Variants in LRRC9 observed in about 807,000 individuals in gnomAD.
The protein encoded by LRRC9 is leucine rich repeat containing 9, also known as leucine-rich repeat-containing protein 9.
A neutral mutation model predicts 63.2 loss-of-function variants in LRRC9; 122 were observed. That is an observed-to-expected ratio of 1.93 (90% CI 1.67 to 2.24). The LOEUF (loss-of-function observed/expected upper bound fraction) is 2.24. Ranked by LOEUF, LRRC9 falls within the 30% of genes most tolerant of loss-of-function variation. LRRC9 has a pLI of 0.00. For missense variants in LRRC9, 1,071 were observed against 627.7 expected, an observed-to-expected ratio of 1.71 and a Z score of -7.55; for synonymous variants, 366 against 213.1, an observed-to-expected ratio of 1.72 and a Z score of -6.25.
chr14:59,928,873 T>C (rs1272953068), intron 3 of LRRC9, among the ~76,000 whole-genome samples: 2 of 152,082 alleles, frequency 1.3e-5, no homozygotes, highest in Admixed American at 1.3e-4. Context: ...GATAGCCATA[T>C]ACAGAAGATT....
At chr14:60,055,786 T>G in intron 30 of LRRC9, among the ~76,000 whole-genome samples, 1 of 150,506 alleles carries the variant, frequency 6.6e-6, no homozygotes, top group Non-Finnish European at 1.5e-5. Flanking sequence ...ATGCCTGTAG[T>G]CTCAGCTACT....
chr14:60,052,415 G>A (rs1185531115), intron 29 of LRRC9, among the ~76,000 whole-genome samples: 1 of 151,972 alleles, frequency 6.6e-6, no homozygotes, highest in Non-Finnish European at 1.5e-5. Flanking sequence ...TTTGGGGGAT[G>A]GTTACATAGG....
chr14:60,054,716 T>A (rs1190179029), intron 30 of LRRC9, among the ~76,000 whole-genome samples: 1 of 152,162 alleles, frequency 6.6e-6, no homozygotes, highest in Non-Finnish European at 1.5e-5. Flanking sequence ...CATGTACTTT[T>A]AAATATTTTA....
At chr14:60,020,911 T>C (rs1327041953) in intron 26 of LRRC9, among the ~76,000 whole-genome samples, 1 of 151,968 alleles carries the variant, frequency 6.6e-6, no homozygotes, top group East Asian at 1.9e-4. Context: ...GGATTGTTTC[T>C]ATTTTTTGGC....
chr14:59,930,716 GA>G lies in LRRC9; in HGVS notation c.268-200del, dbSNP rs2139777944. ...TATAGGGTTGATCAAAATTTAAAGA[GA>G]ACATGCAAAATTGAAAATAGTTGTA... On this transcript the variant is annotated intron_variant, in intron 3 of 31. Transcript: ENST00000445360. This position sits in a 1 kb window ranked among gnomAD's most constrained non-coding sequence, Gnocchi z 4.9. Among the ~76,000 whole-genome samples, 1 of 151,598 alleles carries G rather than the reference GA, an allele frequency of 6.6e-6. No individual in the cohort carries two copies. Among genetic ancestry groups the G allele is most frequent in the African/African-American group, 2.4e-5 (1 of 41,456 alleles).
At chr14:59,974,466 T>A (rs1204365054) in intron 12 of LRRC9, 110 bp from the exon 13 acceptor site, 1 of 431,974 alleles carries the variant, frequency 2.3e-6, no homozygotes, top group Non-Finnish European at 4.1e-6. Context: ...GAGTCCGGCC[T>A]GCAGATTTCT....
intron 8 of LRRC9, among the ~76,000 whole-genome samples, chr14:59,947,920 A>T (rs1361217660): frequency 6.6e-6 from 1 of 151,812 alleles, no homozygotes; most frequent in Non-Finnish European, 1.5e-5. Flanking sequence ...GCCTTGTAGT[A>T]TAGTTTGAAG....
chr14:60,006,583 A>G, exon 22 of LRRC9: 1 of 694,440 alleles, frequency 1.4e-6, no homozygotes. Context: ...AGCAATAACT[A>G]TATTGCTGTC....
At chr14:59,977,568 T>TTGTGTGTGTGTGTG (rs150262478) in intron 14 of LRRC9, among the ~76,000 whole-genome samples, 2 of 144,514 alleles carry the variant, frequency 1.4e-5, no homozygotes, top group African/African-American at 2.6e-5. Flanking sequence ...AATTATGTAT[T>TTGTGTGTGTGTGTG]TGTGTGTGTG....
rs1595059669 is a variant in LRRC9 at position 60,027,487 on chromosome 14, T to C, written c.3704-397T>C. On this transcript the variant is annotated intron_variant, in intron 27 of 31. Coordinates refer to ENST00000445360, the Ensembl canonical transcript of LRRC9. This position sits in a 1 kb window ranked among gnomAD's most constrained non-coding sequence, Gnocchi z 4.0. ...TAACATAATACAACAAATTAGTCTA[T>C]TTTAAGAAATAATTAAATATACTAT... Among the ~76,000 whole-genome samples the C allele has an allele frequency of 6.6e-6, 1 of 152,186 alleles. No homozygotes were observed. Among genetic ancestry groups the C allele is most frequent in the East Asian group, 1.9e-4 (1 of 5,178 alleles).
intron 7 of LRRC9, among the ~76,000 whole-genome samples, chr14:59,940,569 GCCCCCAACTGAA>G (rs1881656493): frequency 6.6e-6 from 1 of 152,078 alleles, no homozygotes; most frequent in Non-Finnish European, 1.5e-5. Context: ...TTGGATTCAA[GCCCCCAACTGAA>G]TGTGCCACTA....
At chr14:59,939,440 T>A (rs1209493893) in intron 7 of LRRC9, among the ~76,000 whole-genome samples, 1 of 151,882 alleles carries the variant, frequency 6.6e-6, no homozygotes, top group Non-Finnish European at 1.5e-5. Context: ...TAAGATGACT[T>A]ATGTTTTAAA....
chr14:59,921,876 G>C (rs1475605272), intron 1 of LRRC9, among the ~76,000 whole-genome samples: 1 of 152,010 alleles, frequency 6.6e-6, no homozygotes, highest in East Asian at 1.9e-4. Context: ...ACAAGGTCAG[G>C]AGTTCGAGAT....
At chr14:59,960,038 T>G (rs924528285) in intron 9 of LRRC9, 24 bp downstream of exon 9, 1 of 626,376 alleles carries the variant, frequency 1.6e-6, no homozygotes, top group African/African-American at 1.8e-5. Flanking sequence ...ATTATCTAGT[T>G]GTTCTGATCT....
At chr14:59,949,203 T>G (rs955230781) in intron 8 of LRRC9, among the ~76,000 whole-genome samples, 12 of 151,492 alleles carry the variant, frequency 7.9e-5, no homozygotes, top group African/African-American at 2.7e-4. Flanking sequence ...TATTGGTCTA[T>G]TCAGAGATTC....
chr14:59,970,327 T>C (rs1238183725), intron 12 of LRRC9, among the ~76,000 whole-genome samples: 1 of 152,184 alleles, frequency 6.6e-6, no homozygotes, highest in Non-Finnish European at 1.5e-5. Context: ...ACATTTTCTT[T>C]ATCCAGTCTA....
Position 59,960,033 on chromosome 14 carries a change from C to A in LRRC9, c.1079+19C>A. 3 of 629,808 alleles carry A rather than the reference C, an allele frequency of 4.8e-6. No individual in the cohort carries two copies. Among genetic ancestry groups the A allele is most frequent in the Non-Finnish European group, 8.5e-6 (3 of 351,038 alleles). The allele number at this position is 629,808 out of a possible 1,614,324, so 39.0% of individuals were successfully genotyped here. On this transcript the variant is annotated intron_variant, in intron 9 of 31. Coordinates refer to ENST00000445360, the Ensembl canonical transcript of LRRC9. ...TAGATGAGTATGTTTAATTAATTAT[C>A]TAGTTGTTCTGATCTGAAATGGAGA...
At position 59,997,653 on chromosome 14, in the gene LRRC9, C is replaced by A. The variant is rs1479599274; in HGVS notation, c.2212-3C>A. On this transcript the variant is annotated splice_region_variant and splice_polypyrimidine_tract_variant and intron_variant, in intron 17 of 31. Coordinates refer to ENST00000445360, the Ensembl canonical transcript of LRRC9. ...GCATCACTTTTATTTATATGTGTTGCAGTATAACCTTGAATATTTGGATGC... is the reference window on the plus strand; with the variant it reads ...GCATCACTTTTATTTATATGTGTTGAAGTATAACCTTGAATATTTGGATGC... The A allele has an allele frequency of 7.4e-6, 5 of 673,744 alleles. No individual in the cohort carries two copies. The highest frequency in any genetic ancestry group is 6.6e-5 in the Admixed American group (3 of 45,236). 41.7% of individuals were successfully genotyped at this position (673,744 alleles called of 1,614,324 possible). A position where few individuals can be genotyped will look rare whatever the true frequency, so the allele number is the denominator to read the frequency against.
At chr14:59,956,405 T>G (rs563991023) in intron 8 of LRRC9, among the ~76,000 whole-genome samples, 4 of 152,300 alleles carry the variant, frequency 2.6e-5, no homozygotes, top group Admixed American at 2.6e-4. Flanking sequence ...CTTCTTTGTC[T>G]TTTTTGATCT....
Sources: allele counts gnomAD v4.1 joint callset (sites outside exome capture counted in the v4.1 genomes callset), GRCh38; gene constraint gnomAD v4.1.1; non-coding constraint Gnocchi (gnomAD v3.1); transcripts MANE v1.5; gene names NCBI Gene and HGNC (gene_info 2026-07-23, HGNC 2026-07-21).